The following PTPRD variants were observed in gnomAD, a reference collection of about 807,000 sequenced individuals.
PTPRD encodes receptor-type tyrosine-protein phosphatase delta.
Under a neutral mutation model 214.5 loss-of-function variants are expected in PTPRD, and 34 were observed. The ratio of observed to expected loss-of-function variants is 0.16; its 90% confidence interval spans 0.12 to 0.21. The LOEUF (loss-of-function observed/expected upper bound fraction) is 0.21, where lower values mean the gene tolerates loss of function less well. Among genes scored for constraint, PTPRD ranks in the 10% least tolerant of loss-of-function variants. PTPRD has a pLI of 1.00. For synonymous variants in PTPRD, 1,128 were observed against 845.7 expected (o/e 1.33, Z -5.79); for missense variants, 2,545 against 2,398.7 (o/e 1.06, Z -1.27).
At chr9:9,241,548 T>C (rs1458537007) in intron 9 of PTPRD, among the ~76,000 whole-genome samples, 6 of 152,142 alleles carry the variant, frequency 3.9e-5, no homozygotes, top group South Asian at 2.1e-4. Flanking sequence ...GTCTCATACC[T>C]TGAGCACATG....
rs189069092 is a variant in PTPRD, at chr9:10,145,931, A to G, written c.-544-112141T>C. Among the ~76,000 whole-genome samples the G allele has an allele frequency of 5.3e-3, 803 of 151,694 alleles. 8 individuals carry two copies. Among genetic ancestry groups the G allele is most frequent in the African/African-American group, 0.018 (738 of 41,082 alleles). On this transcript the variant is annotated intron_variant, in intron 3 of 45. Coordinates refer to ENST00000381196, the MANE Select transcript of PTPRD (RefSeq NM_002839.4). ...CAATATAAAAATACAAATATAGTGTATATGTATGCATGTTTATAAACAGTT... is the reference window on the plus strand; with the variant it reads ...CAATATAAAAATACAAATATAGTGTGTATGTATGCATGTTTATAAACAGTT...
At position 8,860,420 on chromosome 9, in the gene PTPRD, C is replaced by G. The variant is rs1008244901; in HGVS notation, c.-103-126474G>C. 3 of 152,204 alleles carry G rather than the reference C, an allele frequency of 2.0e-5. No individual in the cohort carries two copies. The South Asian group carries it at 6.2e-4, about 32-fold the overall frequency. The allele number at this position is 152,204 out of a possible 1,614,324, so 9.4% of individuals were successfully genotyped here. A position where few individuals can be genotyped will look rare whatever the true frequency, so the allele number is the denominator to read the frequency against. On this transcript the variant is annotated intron_variant, in intron 11 of 45. Coordinates refer to ENST00000381196, the MANE Select transcript of PTPRD (RefSeq NM_002839.4). The stretch of plus-strand genomic sequence containing the variant: ...ACTGTGAAGTCCTAGATGTTCTTGT[C>G]TCTACTACAACCAAACATCAAACAT...
At chr9:9,868,868 T>G (rs2064705692) in intron 5 of PTPRD, among the ~76,000 whole-genome samples, 1 of 151,916 alleles carries the variant, frequency 6.6e-6, no homozygotes, top group Non-Finnish European at 1.5e-5. Flanking sequence ...TTCTACAAAC[T>G]CCTAAGAGAA....
intron 2 of PTPRD, among the ~76,000 whole-genome samples, chr9:10,598,212 T>C (rs61347893): frequency 0.015 from 2,263 of 151,962 alleles, 51 homozygotes; most frequent in African/African-American, 0.051. Context: ...TTTCCTTAGA[T>C]ATTACTCCGA....
chr9:10,333,683 C>G (rs1351807992), intron 3 of PTPRD, among the ~76,000 whole-genome samples: 1 of 151,724 alleles, frequency 6.6e-6, no homozygotes, highest in Non-Finnish European at 1.5e-5. Flanking sequence ...ATGGCATACA[C>G]CAGGATATCT....
chr9:10,170,958 T>A (rs10958933), intron 3 of PTPRD, among the ~76,000 whole-genome samples: 50,889 of 151,946 alleles, frequency 0.33, 8,635 homozygotes, highest in Middle Eastern at 0.4. Flanking sequence ...CACCAAGTCC[T>A]TTTCCTTGAT....
intron 5 of PTPRD, among the ~76,000 whole-genome samples, chr9:9,922,459 C>T (rs1040692072): frequency 6.6e-6 from 1 of 151,950 alleles, no homozygotes; most frequent in African/African-American, 2.4e-5. Flanking sequence ...TCTAAAATTC[C>T]CTTGTGAAAT....
intron 8 of PTPRD, among the ~76,000 whole-genome samples, chr9:9,543,601 A>T (rs1454879546): frequency 6.6e-6 from 1 of 151,604 alleles, no homozygotes; most frequent in African/African-American, 2.4e-5. Flanking sequence ...ATGCAGGTAC[A>T]AATAACTTGC....
At chr9:10,397,004 T>C (rs1215250137) in intron 2 of PTPRD, among the ~76,000 whole-genome samples, 1 of 152,004 alleles carries the variant, frequency 6.6e-6, no homozygotes, top group Non-Finnish European at 1.5e-5. Flanking sequence ...CTGGGGAAAC[T>C]ACAGGCAGGT....
intron 5 of PTPRD, among the ~76,000 whole-genome samples, chr9:9,922,461 T>A (rs143109660): frequency 6.6e-6 from 1 of 152,040 alleles, no homozygotes; most frequent in Non-Finnish European, 1.5e-5. Context: ...TAAAATTCCC[T>A]TGTGAAATAT....
chr9:9,496,893 T>A (rs180679656), intron 8 of PTPRD, among the ~76,000 whole-genome samples: 3 of 152,254 alleles, frequency 2.0e-5, no homozygotes, highest in African/African-American at 7.2e-5. Context: ...GGTTTATACA[T>A]AAAATAGAAT....
At chr9:10,340,168 T>A (rs2096912659) in intron 3 of PTPRD, among the ~76,000 whole-genome samples, 1 of 151,928 alleles carries the variant, frequency 6.6e-6, no homozygotes, top group Non-Finnish European at 1.5e-5. Flanking sequence ...CCACATTATC[T>A]GGACAAGTTC....
At chr9:10,198,564 G>A (rs1327552604) in intron 3 of PTPRD, among the ~76,000 whole-genome samples, 1 of 152,128 alleles carries the variant, frequency 6.6e-6, no homozygotes, top group African/African-American at 2.4e-5. Context: ...AAAATGAGAA[G>A]CAGGATCCAT....
intron 3 of PTPRD, among the ~76,000 whole-genome samples, chr9:10,205,088 T>C (rs12342306): frequency 0.15 from 22,135 of 152,128 alleles, 1,932 homozygotes; most frequent in African/African-American, 0.24. Context: ...CTGCCAGCCA[T>C]ATGCCTTATC....
At chr9:8,641,593 G>A (rs1043020268) in intron 12 of PTPRD, among the ~76,000 whole-genome samples, 2 of 133,874 alleles carry the variant, frequency 1.5e-5, no homozygotes, top group Non-Finnish European at 3.0e-5. Context: ...AGCTACGCAT[G>A]CATATGCGTC....
At chr9:10,190,538 C>A (rs976512283) in intron 3 of PTPRD, among the ~76,000 whole-genome samples, 1 of 149,978 alleles carries the variant, frequency 6.7e-6, no homozygotes, top group South Asian at 2.1e-4. Context: ...GCCAACATGG[C>A]GAAACCCCAT....
intron 14 of PTPRD, among the ~76,000 whole-genome samples, chr9:8,562,176 G>T (rs907755090): frequency 2.6e-5 from 4 of 152,048 alleles, no homozygotes; most frequent in Non-Finnish European, 4.4e-5. Flanking sequence ...ATTTCCTATA[G>T]GCATCAATAA....
chr9:10,436,441 G>A lies in PTPRD; in HGVS notation c.-599-95424C>T, dbSNP rs78535632. Among the ~76,000 whole-genome samples, 120 of 151,756 alleles carry A rather than the reference G, an allele frequency of 7.9e-4. 3 individuals are homozygous for A. The East Asian group carries it at 0.02, about 26-fold the overall frequency. ...CAATGTGATAAGACAGTATGATAAG[G>A]TGACAATTTGTAAGACAGGAATTAA... On this transcript the variant is annotated intron_variant, in intron 2 of 45. Coordinates refer to ENST00000381196, the MANE Select transcript of PTPRD (RefSeq NM_002839.4).
chr9:8,713,891 G>A (rs574915324), intron 12 of PTPRD: 4 of 961,922 alleles, frequency 4.2e-6, no homozygotes, highest in Admixed American at 2.7e-5. Context: ...GGAACGCCCC[G>A]GTGGAAAAAA....
Sources: allele counts gnomAD v4.1 joint callset (sites outside exome capture counted in the v4.1 genomes callset), GRCh38; gene constraint gnomAD v4.1.1; transcripts MANE v1.5; gene names NCBI Gene and HGNC (gene_info 2026-07-23, HGNC 2026-07-21).